ANO3: variants seen among roughly 807,000 people sequenced by gnomAD.
ANO3 encodes the protein anoctamin-3.
In ANO3, 99 loss-of-function variants were observed where a neutral mutation model predicts 144.8. That is an observed-to-expected ratio of 0.68 (90% CI 0.58 to 0.81). The LOEUF (loss-of-function observed/expected upper bound fraction) is 0.81, where lower values mean the gene tolerates loss of function less well. Among genes scored for constraint, ANO3 ranks in the 30% least tolerant of loss-of-function variants. ANO3 has a pLI of 0.00. For synonymous variants in ANO3, 414 were observed against 392.6 expected, an observed-to-expected ratio of 1.05 and a Z score of -0.64; for missense variants, 905 against 1,202.2, an observed-to-expected ratio of 0.75 and a Z score of 3.66.
chr11:26,548,360 A>G (rs1329783563), intron 12 of ANO3, among the ~76,000 whole-genome samples: 7 of 151,972 alleles, frequency 4.6e-5, no homozygotes, highest in Non-Finnish European at 8.8e-5. Flanking sequence ...TATTTAATAT[A>G]TCACGAGTAT....
chr11:26,470,175 GA>G (rs1260231022), intron 4 of ANO3, among the ~76,000 whole-genome samples: 1 of 151,848 alleles, frequency 6.6e-6, no homozygotes, highest in Non-Finnish European at 1.5e-5. Context: ...GAGGAGGGCA[GA>G]TAAGTAATCT....
rs115018126 is a variant in ANO3, at chr11:26,372,180, T to A, written c.46+39859T>A. ...CCCATGCTCTTCTTGTGATAGTCAATTATCATGGGATCGGATGGTTTTATA... is the reference window on the plus strand; with the variant it reads ...CCCATGCTCTTCTTGTGATAGTCAAATATCATGGGATCGGATGGTTTTATA... On this transcript the variant is annotated intron_variant, in intron 1 of 26. Coordinates refer to ENST00000256737, the MANE Select transcript of ANO3 (RefSeq NM_031418.4). 6.6e-3 allele frequency among the ~76,000 whole-genome samples: 1,009 copies of A among 152,258 alleles called. 22 individuals are homozygous for A. The highest frequency in any genetic ancestry group is 0.024 in the African/African-American group (984 of 41,552).
intron 1 of ANO3, among the ~76,000 whole-genome samples, chr11:26,348,803 T>C (rs981330747): frequency 6.6e-6 from 1 of 152,208 alleles, no homozygotes. Flanking sequence ...CGTCACATTC[T>C]TATGGTGAAA....
At chr11:26,561,117 G>T (rs765095334) in intron 14 of ANO3, 2 of 1,612,632 alleles carry the variant, frequency 1.2e-6, no homozygotes, top group South Asian at 2.2e-5. Flanking sequence ...GCCATCACGT[G>T]CATTTTCTTC....
chr11:26,259,910 C>G (rs554693644), intron 1 of ANO3, among the ~76,000 whole-genome samples: 2 of 152,068 alleles, frequency 1.3e-5, no homozygotes, highest in Non-Finnish European at 2.9e-5. Context: ...ATGGCTAACA[C>G]GTTACCCTGG....
rs115273059 is a variant in ANO3, at chr11:26,602,116, G to C, written c.1836+2402G>C. On this transcript the variant is annotated intron_variant, in intron 17 of 26. Coordinates refer to ENST00000256737, the MANE Select transcript of ANO3 (RefSeq NM_031418.4). ...GAAGAGAGGGTGCTTATTCTGATCA[G>C]CCAAGAAAGAGCAGAAAGGAGATTG... 4.2e-3 allele frequency among the ~76,000 whole-genome samples: 641 copies of C among 152,278 alleles called. 9 individuals carry two copies. The highest frequency in any genetic ancestry group is 0.015 in the African/African-American group (626 of 41,554).
intron 3 of ANO3, among the ~76,000 whole-genome samples, chr11:26,459,613 T>C (rs547384320): frequency 6.6e-6 from 1 of 151,758 alleles, no homozygotes; most frequent in East Asian, 2.0e-4. Flanking sequence ...CACATACATA[T>C]ATATATATAT....
intron 1 of ANO3, among the ~76,000 whole-genome samples, chr11:26,405,575 C>T (rs1198054356): frequency 6.6e-6 from 1 of 151,826 alleles, no homozygotes; most frequent in Non-Finnish European, 1.5e-5. Flanking sequence ...TGCATGGCTA[C>T]CCTCTATAAA....
At chr11:26,204,403 C>T (rs1310397327) in intron 1 of ANO3, among the ~76,000 whole-genome samples, 2 of 152,104 alleles carry the variant, frequency 1.3e-5, no homozygotes, top group Admixed American at 1.3e-4. Flanking sequence ...TCTCTCCTTG[C>T]TTCATCATGA....
chr11:26,582,718 T>C (rs1851167073), intron 14 of ANO3, among the ~76,000 whole-genome samples: 2 of 152,170 alleles, frequency 1.3e-5, no homozygotes, highest in Non-Finnish European at 2.9e-5. Context: ...TATTTTCTTC[T>C]TTATACTTTT....
rs1186803299 is a variant in ANO3, at chr11:26,508,277, A to G, written c.591+15A>G. 1.9e-6 allele frequency: 3 copies of G among 1,568,264 alleles called. No homozygotes were observed. Among genetic ancestry groups the G allele is most frequent in the African/African-American group, 1.4e-5 (1 of 71,870 alleles). On this transcript the variant is annotated intron_variant, in intron 5 of 26. Transcript: ENST00000256737. ...TGGAGAAGGAGGTAGGTGCTTTACT[A>G]TTATTAGTTATGTGATAAAATGTGT...
At chr11:26,646,120 T>C (rs1485076674) in intron 23 of ANO3, among the ~76,000 whole-genome samples, 1 of 152,168 alleles carries the variant, frequency 6.6e-6, no homozygotes, top group Non-Finnish European at 1.5e-5. Flanking sequence ...TGCCATTGTT[T>C]TTCTTGCTCA....
At chr11:26,317,525 C>T (rs1590256033) in intron 1 of ANO3, among the ~76,000 whole-genome samples, 1 of 152,164 alleles carries the variant, frequency 6.6e-6, no homozygotes, top group South Asian at 2.1e-4. Flanking sequence ...CATCACTGGT[C>T]ATTACAGAAA....
intron 2 of ANO3, among the ~76,000 whole-genome samples, chr11:26,443,508 A>G (rs1297222291): frequency 2.0e-5 from 3 of 152,190 alleles, no homozygotes; most frequent in African/African-American, 7.2e-5. Context: ...AGGCTGAGGC[A>G]CGAGAATCGC....
At chr11:26,517,206 G>C (rs1861896674) in intron 6 of ANO3, among the ~76,000 whole-genome samples, 1 of 151,918 alleles carries the variant, frequency 6.6e-6, no homozygotes, top group Non-Finnish European at 1.5e-5. Context: ...CCCAAGATCA[G>C]TCTCACTCCT....
intron 20 of ANO3, among the ~76,000 whole-genome samples, chr11:26,637,398 T>C (rs971692607): frequency 1.3e-5 from 2 of 152,124 alleles, no homozygotes; most frequent in Non-Finnish European, 2.9e-5. Context: ...CTTAGTATAA[T>C]ATAAAAGAGC....
intron 14 of ANO3, among the ~76,000 whole-genome samples, chr11:26,592,767 C>T (rs1462821045): frequency 6.6e-6 from 1 of 151,752 alleles, no homozygotes; most frequent in Non-Finnish European, 1.5e-5. Flanking sequence ...CTATCAATGC[C>T]TAAGTGAAAG....
intron 4 of ANO3, among the ~76,000 whole-genome samples, chr11:26,486,137 G>A (rs746741762): frequency 6.6e-6 from 1 of 152,100 alleles, no homozygotes; most frequent in Non-Finnish European, 1.5e-5. Context: ...GCCAAGGCAG[G>A]TGATCATGAG....
At chr11:26,446,291 G>A (rs1330786711) in intron 3 of ANO3, among the ~76,000 whole-genome samples, 1 of 152,198 alleles carries the variant, frequency 6.6e-6, no homozygotes, top group Non-Finnish European at 1.5e-5. Flanking sequence ...TAAATACAAA[G>A]CAGTTACATT....
Sources: allele counts gnomAD v4.1 joint callset (sites outside exome capture counted in the v4.1 genomes callset), GRCh38; gene constraint gnomAD v4.1.1; transcripts MANE v1.5; gene names NCBI Gene and HGNC (gene_info 2026-07-23, HGNC 2026-07-21).